GLIS3: variants seen among roughly 807,000 people sequenced by gnomAD.
The protein encoded by GLIS3 is zinc finger protein GLIS3.
Under a neutral mutation model 78.6 loss-of-function variants are expected in GLIS3, and 53 were observed. The ratio of observed to expected loss-of-function variants is 0.67; its 90% CI spans 0.54 to 0.85. The LOEUF (loss-of-function observed/expected upper bound fraction) is 0.85. GLIS3 is among the 40% of genes least tolerant of loss of function. The pLI, the probability that GLIS3 is intolerant of heterozygous loss-of-function variation, is 0.00. For synonymous variants in GLIS3, 684 were observed against 509.9 expected (o/e 1.34, Z -4.60); for missense variants, 1,703 against 1,231.1 (o/e 1.38, Z -5.74).
rs776405567 is a variant in GLIS3, at chr9:3,828,506, G to A, written c.2657-98C>T. ...AATGCAGCTCACCAAGTGAGGACTG[G>A]GGGCTAAGGAGGCAACCATGCCAGC... On this transcript the variant is annotated intron_variant, in intron 10 of 10. Coordinates refer to ENST00000381971, the MANE Select transcript of GLIS3 (RefSeq NM_001042413.2). The A allele has an allele frequency of 6.9e-5, 105 of 1,517,476 alleles. 1 individual carries two copies. Among genetic ancestry groups the A allele is most frequent in the Middle Eastern group, 4.7e-4 (2 of 4,274 alleles). The allele number at this position is 1,517,476 out of a possible 1,614,324, so 94.0% of individuals were successfully genotyped here.
chr9:4,053,873 C>T (rs1413299104), intron 4 of GLIS3, among the ~76,000 whole-genome samples: 2 of 152,058 alleles, frequency 1.3e-5, no homozygotes, highest in East Asian at 3.9e-4. Context: ...TTGCACAGAC[C>T]ATCAAACACG....
intron 2 of GLIS3, among the ~76,000 whole-genome samples, chr9:4,331,270 C>G (rs1284367376): frequency 2.0e-5 from 3 of 152,178 alleles, no homozygotes; most frequent in Non-Finnish European, 4.4e-5. Flanking sequence ...TCCATCTTCA[C>G]AGGGCCTTCT....
chr9:3,918,360 C>A (rs1323043764), intron 6 of GLIS3, among the ~76,000 whole-genome samples: 4 of 152,288 alleles, frequency 2.6e-5, no homozygotes, highest in African/African-American at 9.6e-5. Context: ...TCTGAACTAT[C>A]TTTTCAAAGA....
intron 2 of GLIS3, among the ~76,000 whole-genome samples, chr9:4,343,936 G>A (rs906111561): frequency 6.6e-6 from 1 of 151,950 alleles, no homozygotes; most frequent in East Asian, 1.9e-4. Flanking sequence ...GTGGGAGGAG[G>A]GTGAGGACTG....
intron 2 of GLIS3, among the ~76,000 whole-genome samples, chr9:4,329,712 C>G (rs1007753926): frequency 2.0e-5 from 3 of 152,074 alleles, no homozygotes; most frequent in Non-Finnish European, 4.4e-5. Flanking sequence ...CGAACCTCCT[C>G]CAGCATATCC....
At chr9:4,480,969 C>T in the GLIS3 span, among the ~76,000 whole-genome samples, 1 of 152,016 alleles carries the variant, frequency 6.6e-6, no homozygotes, top group Non-Finnish European at 1.5e-5. Flanking sequence ...GTCCTCCCAC[C>T]TCAGCCTCCA....
At chr9:4,441,413 T>G in the GLIS3 span, among the ~76,000 whole-genome samples, 1 of 152,234 alleles carries the variant, frequency 6.6e-6, no homozygotes, top group Non-Finnish European at 1.5e-5. Flanking sequence ...TTTTTGTCCT[T>G]CATTTTGTTA....
At chr9:4,316,646 C>T (rs1206634027) in intron 2 of GLIS3, among the ~76,000 whole-genome samples, 3 of 152,222 alleles carry the variant, frequency 2.0e-5, no homozygotes, top group East Asian at 1.9e-4. Context: ...TGTGAGTAAG[C>T]GTAGGCATGT....
At chr9:4,304,862 G>T (rs2130502815), upstream of GLIS3, among the ~76,000 whole-genome samples, 1 of 152,302 alleles carries the variant, frequency 6.6e-6, no homozygotes, top group South Asian at 2.1e-4. Context: ...GCACTCAGGA[G>T]ATTTTCACGT....
chr9:4,360,396 C>G, the GLIS3 span, among the ~76,000 whole-genome samples: 1 of 152,164 alleles, frequency 6.6e-6, no homozygotes, highest in Admixed American at 6.5e-5. Flanking sequence ...CCTGGAAAAT[C>G]ATCCCCACCA....
chr9:4,172,725 G>A (rs1171789802), intron 2 of GLIS3, among the ~76,000 whole-genome samples: 1 of 152,120 alleles, frequency 6.6e-6, no homozygotes, highest in African/African-American at 2.4e-5. Context: ...TCTATAAGAA[G>A]GCAAAAATCA....
chr9:4,004,811 T>A (rs1387070229), intron 4 of GLIS3, among the ~76,000 whole-genome samples: 1 of 152,224 alleles, frequency 6.6e-6, no homozygotes, highest in African/African-American at 2.4e-5. Context: ...TGTGAGATAC[T>A]TAATAGTGAT....
At chr9:4,277,107 C>A (rs1827099271) in intron 2 of GLIS3, among the ~76,000 whole-genome samples, 1 of 152,114 alleles carries the variant, frequency 6.6e-6, no homozygotes, top group Non-Finnish European at 1.5e-5. Flanking sequence ...ATTGCGGGAC[C>A]CCAATCTCCA....
Position 3,962,097 on chromosome 9 carries a change from G to A in GLIS3, c.1711-24908C>T, listed in dbSNP as rs1028083322. Among the ~76,000 whole-genome samples the A allele has an allele frequency of 2.6e-5, 4 of 152,142 alleles. No homozygotes were observed. In the East Asian group the frequency reaches 7.7e-4, roughly 29 times the overall value. ...TAGTCAAGTGTGGTGGTGCACACCT[G>A]TAGTCCTAGCTACCTGGGAGGCTGA... On this transcript the variant is annotated intron_variant, in intron 4 of 10. Coordinates refer to ENST00000381971, the MANE Select transcript of GLIS3 (RefSeq NM_001042413.2).
intron 2 of GLIS3, among the ~76,000 whole-genome samples, chr9:4,131,183 T>C (rs1218753766): frequency 6.6e-6 from 1 of 152,222 alleles, no homozygotes; most frequent in Non-Finnish European, 1.5e-5. Flanking sequence ...GTAATTAACT[T>C]GTTTTTTGAT....
At chr9:3,845,241 T>C (rs1304988146) in intron 9 of GLIS3, among the ~76,000 whole-genome samples, 3 of 152,174 alleles carry the variant, frequency 2.0e-5, no homozygotes, top group Non-Finnish European at 4.4e-5. Context: ...GAAGACTCTA[T>C]ATGCAATGAC....
intron 2 of GLIS3, among the ~76,000 whole-genome samples, chr9:4,200,055 T>C (rs1415726011): frequency 6.6e-6 from 1 of 152,132 alleles, no homozygotes; most frequent in Non-Finnish European, 1.5e-5. Context: ...CAGAATGACC[T>C]TGGAGTAAAC....
In GLIS3 at chr9:4,286,143, T is replaced by C; in HGVS notation, c.283A>G (p.Lys95Glu). The C allele has an allele frequency of 6.2e-7, 1 of 1,613,998 alleles. No individual in the cohort carries two copies. Among genetic ancestry groups the C allele is most frequent in the South Asian group, 1.1e-5 (1 of 91,078 alleles). The change falls in exon 2 of 11, where the codon AAG becomes GAG. Residue 95 changes from lysine (K) to glutamate (E), a missense_variant. By Grantham distance (56) the Lys-to-Glu change is moderately conservative (BLOSUM62 1). Coordinates refer to ENST00000381971, the MANE Select transcript of GLIS3 (RefSeq NM_001042413.2). ...GCCTGGGTGACCTGGAATCGCGGCT[T>C]CCCATTGGTGAGCATTTGTCTCCTG... ...SPRRQMLTNG[K>E]PRFQVTQAGG...
chr9:4,181,654 A>T (rs1817334366), intron 2 of GLIS3, among the ~76,000 whole-genome samples: 1 of 152,246 alleles, frequency 6.6e-6, no homozygotes, highest in Non-Finnish European at 1.5e-5. Context: ...TGAGAGGTGG[A>T]ATCTATCTAT....
Sources: gnomAD v4.1 joint callset for allele counts (sites outside exome capture counted in the v4.1 genomes callset) on GRCh38, gnomAD v4.1.1 for gene constraint, MANE v1.5 for transcripts, NCBI Gene and HGNC (gene_info 2026-07-23, HGNC 2026-07-21) for gene names.